Variants in NAIP observed in about 807,000 individuals in gnomAD.
NAIP encodes the protein NLR family apoptosis inhibitory protein, also known as baculoviral IAP repeat-containing protein 1.
Under a neutral mutation model 23.0 loss-of-function variants are expected in NAIP, and 15 were observed. That is an observed-to-expected ratio of 0.65 (90% CI 0.44 to 1.00). The LOEUF (loss-of-function observed/expected upper bound fraction) is 1.00, where lower values mean the gene tolerates loss of function less well. Ranked by LOEUF, NAIP falls within the 50% of genes least tolerant of loss-of-function variation. The pLI is 0.00. For synonymous variants in NAIP, 100 were observed against 100.2 expected (o/e 1.00, Z 0.01); for missense variants, 265 against 278.8 (o/e 0.95, Z 0.35).
Position 71,012,729 on chromosome 5 carries a change from T to G in NAIP, c.187A>C (p.Arg63=), listed in dbSNP as rs1441177473. ...TCATAAGTCACAAAAGTCTTTAACCTTTTTGCTTCACTGCGCATTTGAGAG... is the reference window on the plus strand; with the variant it reads ...TCATAAGTCACAAAAGTCTTTAACCGTTTTGCTTCACTGCGCATTTGAGAG... ...YNSQMRSEAK[R]LKTFVTYEPY... The change falls in exon 4 of 17, where the codon AGG becomes CGG. Residue 63 remains arginine, a synonymous_variant. Coordinates refer to ENST00000517649, the MANE Select transcript of NAIP (RefSeq NM_004536.3). The G allele has an allele frequency of 6.2e-7, 1 of 1,611,736 alleles. No individual in the cohort carries two copies. The highest frequency in any genetic ancestry group is 8.5e-7 in the Non-Finnish European group (1 of 1,178,476).
chr5:70,973,003 C>A (rs1308295737), intron 16 of NAIP, among the ~76,000 whole-genome samples: 1 of 142,832 alleles, frequency 7.0e-6, no homozygotes, highest in East Asian at 2.2e-4. Flanking sequence ...CGGGTTCACA[C>A]CATTCTCCTG....
At position 71,012,538 on chromosome 5, in the gene NAIP, G is replaced by A; in HGVS notation, c.378C>T (p.Phe126=). The A allele has an allele frequency of 6.2e-7, 1 of 1,611,694 alleles. No homozygotes were observed. Among genetic ancestry groups the A allele is most frequent in the Non-Finnish European group, 8.5e-7 (1 of 1,178,458 alleles). The part of the protein sequence containing the change: ...DHKRFHPDCG[F]LLNKDVGNIA... ...TGTTACCAACATCCTTGTTCAAAAG[G>A]AACCCACAATCTGGATGAAACCTCT... The change falls in exon 4 of 17, where the codon TTC becomes TTT. Residue 126 remains phenylalanine (F), a synonymous_variant. Coordinates refer to ENST00000517649, the MANE Select transcript of NAIP (RefSeq NM_004536.3).
chr5:71,010,418 G>C (rs1017537446), intron 5 of NAIP, among the ~76,000 whole-genome samples: 1 of 151,530 alleles, frequency 6.6e-6, no homozygotes, highest in South Asian at 2.1e-4. Flanking sequence ...ACAGGCACCC[G>C]CCACCGTTCC....
intron 5 of NAIP, among the ~76,000 whole-genome samples, chr5:71,009,610 T>C (rs181625967): frequency 1.3e-5 from 2 of 150,636 alleles, no homozygotes; most frequent in East Asian, 3.9e-4. Context: ...GAATCACTTG[T>C]ACCTGAGAGG....
intron 13 of NAIP, among the ~76,000 whole-genome samples, chr5:70,978,148 TA>T (rs1190065930): frequency 0.016 from 650 of 40,242 alleles, 17 homozygotes; most frequent in Non-Finnish European, 0.035. Flanking sequence ...TATATATATA[TA>T]TTTTTTTTTT....
intron 3 of NAIP, 145 bp from the exon 4 acceptor site, chr5:71,013,063 A>G: frequency 1.3e-6 from 1 of 767,780 alleles, no homozygotes. Context: ...ATTATGAAAC[A>G]TCAGTATTCA....
At chr5:71,011,684 T>C in intron 4 of NAIP, 1 of 470,272 alleles carries the variant, frequency 2.1e-6, no homozygotes, top group South Asian at 2.5e-5. Context: ...CAGGACCAGC[T>C]GAAGTAACGT....
chr5:70,980,554 CAAAAA>C (rs1300023151), intron 12 of NAIP, among the ~76,000 whole-genome samples: 2 of 7,598 alleles, frequency 2.6e-4, no homozygotes, highest in African/African-American at 1.5e-3. Context: ...GACTCCGTCT[CAAAAA>C]AAAAAAAAAA....
chr5:71,012,182 C>T (rs1561517448), intron 4 of NAIP, among the ~76,000 whole-genome samples, 166 bp downstream of exon 4: 1 of 151,436 alleles, frequency 6.6e-6, no homozygotes, highest in Admixed American at 6.6e-5. Context: ...GAAAATGAAG[C>T]AAAAATAAAA....
rs896725873 is a variant in NAIP at position 71,012,797 on chromosome 5, T to G, written c.119A>C (p.Glu40Ala). ...DAVQLAKELE[E>A]EEQKERAKMQ... ...TTTTGCTCGCTCCTTCTGCTCCTCT[T>G]CTTCTAGTTCCTTTGCCAACTGAAC... Residue 40 changes from glutamate (E) to alanine (A), a missense_variant, in exon 4 of 17, where the codon GAA becomes GCA. By Grantham distance (107) the Glu-to-Ala change is moderately radical. Transcript: ENST00000517649. 6.2e-7 allele frequency: 1 copy of G among 1,611,886 alleles called. No homozygotes were observed. Among genetic ancestry groups the G allele is most frequent in the African/African-American group, 1.3e-5 (1 of 74,758 alleles).
At chr5:71,010,157 G>C (rs762948094) in intron 5 of NAIP, among the ~76,000 whole-genome samples, 4 of 151,510 alleles carry the variant, frequency 2.6e-5, no homozygotes, top group African/African-American at 4.8e-5. Flanking sequence ...ACCCAGGCTG[G>C]AGCACAGTGG....
At chr5:71,013,763 C>A (rs1751290288) in intron 3 of NAIP, among the ~76,000 whole-genome samples, 1 of 151,326 alleles carries the variant, frequency 6.6e-6, no homozygotes, top group Non-Finnish European at 1.5e-5. Context: ...CCCTGAGGGG[C>A]AGTCACGGGC....
At chr5:71,011,196 A>T in intron 5 of NAIP, 79 bp downstream of exon 5, 1 of 1,086,212 alleles carries the variant, frequency 9.2e-7, no homozygotes, top group Non-Finnish European at 1.3e-6. Context: ...TCATGCCACT[A>T]TACTCCAGCC....
chr5:70,979,117 A>AG (rs1489475971), intron 13 of NAIP, among the ~76,000 whole-genome samples: 1 of 6,830 alleles, frequency 1.5e-4, no homozygotes, highest in Non-Finnish European at 2.2e-4. Context: ...CTGGGATTAC[A>AG]GGTGTGAGTC....
intron 3 of NAIP, among the ~76,000 whole-genome samples, chr5:71,014,884 C>T (rs899283642): frequency 6.6e-6 from 1 of 151,556 alleles, no homozygotes; most frequent in Admixed American, 6.6e-5. Context: ...GCCTGGGTGA[C>T]AGAGTGAGAC....
intron 5 of NAIP, among the ~76,000 whole-genome samples, chr5:71,010,331 C>G (rs965487620): frequency 6.6e-6 from 1 of 151,300 alleles, no homozygotes; most frequent in African/African-American, 2.4e-5. Flanking sequence ...TGCAGTGGCG[C>G]TATCTCGGCT....
intron 16 of NAIP, chr5:70,971,706 G>C (rs1282795544): frequency 2.2e-5 from 2 of 91,630 alleles, no homozygotes; most frequent in African/African-American, 6.6e-5. Flanking sequence ...TCATCCGACT[G>C]TCCACTGCTA....
In NAIP at chr5:70,999,497, T is replaced by C. The variant is rs1033518804; in HGVS notation, c.923-674A>G. Among the ~76,000 whole-genome samples the C allele has an allele frequency of 2.6e-4, 7 of 26,416 alleles. 3 individuals are homozygous for C. Among genetic ancestry groups the C allele is most frequent in the African/African-American group, 2.4e-3 (4 of 1,656 alleles). 17.3% of individuals were successfully genotyped at this position (26,416 alleles called of 152,430 possible). A position where few individuals can be genotyped will look rare whatever the true frequency, so the allele number is the denominator to read the frequency against. ...AATGACATGAACCTAGAAAAGTGCT[T>C]GACACTCATGTGGCACTCAATTAGT... On this transcript the variant is annotated intron_variant, in intron 8 of 16. Transcript: ENST00000517649.
Position 71,011,478 on chromosome 5 carries a change from T to C in NAIP, c.569-104A>G. On this transcript the variant is annotated intron_variant, in intron 4 of 16. Coordinates refer to ENST00000517649, the MANE Select transcript of NAIP (RefSeq NM_004536.3). ...GGAGCAAGACAAGCTCCAGCGTGGCTGTGCACTCCCGATCTCATTGGCCTG... is the reference window on the plus strand; with the variant it reads ...GGAGCAAGACAAGCTCCAGCGTGGCCGTGCACTCCCGATCTCATTGGCCTG... 3.2e-6 allele frequency: 3 copies of C among 951,138 alleles called. No homozygotes were observed. The East Asian group carries it at 7.8e-5, about 25-fold the overall frequency. The allele number at this position is 951,138 out of a possible 1,614,324, so 58.9% of individuals were successfully genotyped here. A position where few individuals can be genotyped will look rare whatever the true frequency, so the allele number is the denominator to read the frequency against.
Sources: allele counts gnomAD v4.1 joint callset (sites outside exome capture counted in the v4.1 genomes callset), GRCh38; gene constraint gnomAD v4.1.1; transcripts MANE v1.5; gene names NCBI Gene and HGNC (gene_info 2026-07-23, HGNC 2026-07-21).